BMP1: variants seen among roughly 807,000 people sequenced by gnomAD.
BMP1 encodes the protein mammalian tolloid protein.
BMP1 carries 63 observed loss-of-function variants against 116.8 expected under a neutral mutation model. The ratio of observed to expected loss-of-function variants is 0.54; its 90% CI spans 0.44 to 0.67. BMP1 has a LOEUF of 0.67. Among genes scored for constraint, BMP1 ranks in the 30% least tolerant of loss-of-function variants. The pLI, the probability that BMP1 is intolerant of heterozygous loss-of-function variation, is 0.00. For synonymous variants in BMP1, 536 were observed against 533.4 expected, an observed-to-expected ratio of 1.00 and a Z score of -0.07; for missense variants, 1,183 against 1,358.9, an observed-to-expected ratio of 0.87 and a Z score of 2.04.
At chr8:22,198,928 G>A (rs1463885761) in intron 15 of BMP1, 2 of 1,241,804 alleles carry the variant, frequency 1.6e-6, no homozygotes, top group Non-Finnish European at 2.1e-6. Context: ...TCACCAGAGG[G>A]TTGAGAGGAT....
chr8:22,201,263 A>T lies in BMP1; in HGVS notation c.2108-540A>T, dbSNP rs1170041505. 4 of 1,562,172 alleles carry T rather than the reference A, an allele frequency of 2.6e-6. No homozygotes were observed. The South Asian group carries it at 4.8e-5, about 19-fold the overall frequency. The stretch of plus-strand genomic sequence containing the variant: ...GGAACCTCACCTTGGACGGAATGGG[A>T]TGGGGGCTTCGGTGCCCACCAACCC... On this transcript the variant is annotated intron_variant, in intron 15 of 19. Transcript: ENST00000306385.
At chr8:22,167,430 G>C (rs927233961) in intron 1 of BMP1, among the ~76,000 whole-genome samples, 25 of 152,214 alleles carry the variant, frequency 1.6e-4, no homozygotes, top group African/African-American at 5.8e-4. Context: ...TGGTGGCAGA[G>C]AAAAGTGATC....
rs780328194 is a variant in BMP1, at chr8:22,180,378, G to A, written c.972G>A (p.Glu324=). The change falls in exon 8 of 20, where the codon GAG becomes GAA. Residue 324 remains glutamate, a synonymous_variant. Coordinates refer to ENST00000306385, the MANE Select transcript of BMP1 (RefSeq NM_006129.5). ...RKLYKCPACG[E]TLQDSTGNFS... ...TTCCTTTCCTCACAGCCTGTGGAGA[G>A]ACCCTGCAAGACAGCACAGGCAACT... is the stretch of plus-strand genomic sequence containing the variant. The A allele has an allele frequency of 6.2e-7, 1 of 1,613,450 alleles. No homozygotes were observed. The highest frequency in any genetic ancestry group is 1.1e-5 in the South Asian group (1 of 91,074).
rs1268322830 is a variant in BMP1, at chr8:22,195,694, G to A, written c.1765+107G>A. On this transcript the variant is annotated intron_variant, in intron 13 of 19. Transcript: ENST00000306385. ...AGGCTTTTGCTCTGTCACCCAGGCT[G>A]GAAGTACAGTGGCTCAATCTTAGCT... 2.7e-6 allele frequency: 4 copies of A among 1,475,804 alleles called. No individual in the cohort carries two copies. The Admixed American group carries it at 7.0e-5, about 26-fold the overall frequency. The allele number at this position is 1,475,804 out of a possible 1,614,324, so 91.4% of individuals were successfully genotyped here.
intron 16 of BMP1, among the ~76,000 whole-genome samples, chr8:22,205,294 G>C (rs1050498049): frequency 6.6e-6 from 1 of 152,170 alleles, no homozygotes; most frequent in African/African-American, 2.4e-5. Flanking sequence ...CAAGTGGTCT[G>C]GGGGCCCAGG....
At chr8:22,199,279 G>T (rs769758568) in intron 15 of BMP1, 2 of 1,367,098 alleles carry the variant, frequency 1.5e-6, no homozygotes, top group Non-Finnish European at 2.0e-6. Context: ...GAGCTATTTG[G>T]ACTTTTGGGA....
At chr8:22,190,561 G>A (rs1054271706) in intron 8 of BMP1, among the ~76,000 whole-genome samples, 1 of 152,226 alleles carries the variant, frequency 6.6e-6, no homozygotes. Flanking sequence ...TGACGTGTTG[G>A]TGTGTGGCCG....
intron 19 of BMP1, among the ~76,000 whole-genome samples, chr8:22,211,265 TAGGCATGG>T (rs770982426): frequency 1.3e-5 from 2 of 152,218 alleles, no homozygotes; most frequent in African/African-American, 2.4e-5. Context: ...GCACCCCTCC[TAGGCATGG>T]AGAGCAGAGA....
rs780119875 is a variant in BMP1, at chr8:22,197,330, G to A, written c.2017G>A (p.Val673Ile). 1 of 1,614,032 alleles carries A rather than the reference G, an allele frequency of 6.2e-7. No homozygotes were observed. Among genetic ancestry groups the A allele is most frequent in the Non-Finnish European group, 8.5e-7 (1 of 1,179,934 alleles). ...GTTCTGTGGTTCTGAGAAGCCCGAG[G>A]TCATCACCTCCCAGTACAACAACAT... ...GKFCGSEKPE[V>I]ITSQYNNMRV... is the part of the protein sequence containing the mutation. The change falls in exon 15 of 20, where the codon GTC (valine) becomes ATC (isoleucine). Residue 673 changes from valine to isoleucine, a missense_variant. Coordinates refer to ENST00000306385, the MANE Select transcript of BMP1 (RefSeq NM_006129.5).
intron 19 of BMP1, 142 bp downstream of exon 19, chr8:22,209,837 A>T (rs1829430284): frequency 1.1e-6 from 1 of 877,026 alleles, no homozygotes; most frequent in East Asian, 2.6e-5. Flanking sequence ...CCTGTGTGGG[A>T]GCCCAGAAGC....
rs1829017548 is a variant in BMP1, at chr8:22,194,400, A to C, written c.1298-45A>C. ...AAAGAGCTCCCTAGCAGGGCAAAGC[A>C]TGCTGACTCACCACCCCTTCCCACC... On this transcript the variant is annotated intron_variant, in intron 10 of 19. Coordinates refer to ENST00000306385, the MANE Select transcript of BMP1 (RefSeq NM_006129.5). This position sits in a 1 kb window ranked among gnomAD's most constrained non-coding sequence, Gnocchi z 4.5. 6.2e-6 allele frequency: 10 copies of C among 1,610,084 alleles called. No homozygotes were observed. Among genetic ancestry groups the C allele is most frequent in the Non-Finnish European group, 8.5e-6 (10 of 1,177,626 alleles).
At chr8:22,177,505 G>T (rs1453894038) in intron 5 of BMP1, 3 of 712,212 alleles carry the variant, frequency 4.2e-6, no homozygotes, top group African/African-American at 1.7e-5. Flanking sequence ...CCCTCCGAGG[G>T]CTTTTCTCTC....
At chr8:22,196,208 C>A (rs372689309) in intron 13 of BMP1, 5 of 523,930 alleles carry the variant, frequency 9.5e-6, no homozygotes, top group Non-Finnish European at 1.9e-5. Context: ...GTTGGGAAAC[C>A]CCTGTTGTGG....
At chr8:22,165,584 C>A (rs1394591651) in intron 1 of BMP1, 31 bp downstream of exon 1, 71 of 1,550,370 alleles carry the variant, frequency 4.6e-5, no homozygotes, top group Non-Finnish European at 6.2e-5. Context: ...CGGCGACGGG[C>A]CAGGCGGGGA....
At chr8:22,191,272 G>A (rs1245218970) in intron 8 of BMP1, among the ~76,000 whole-genome samples, 1 of 152,208 alleles carries the variant, frequency 6.6e-6, no homozygotes, top group East Asian at 1.9e-4. Flanking sequence ...ACTCACAGCA[G>A]GAAATGCAGA....
chr8:22,167,590 T>TC (rs895714063), intron 1 of BMP1, among the ~76,000 whole-genome samples: 2 of 151,976 alleles, frequency 1.3e-5, no homozygotes, highest in African/African-American at 4.8e-5. Flanking sequence ...CTGAGGGCTC[T>TC]CCCCCCAGTC....
intron 15 of BMP1, chr8:22,200,971 A>C (rs989784797): frequency 8.6e-6 from 6 of 699,928 alleles, no homozygotes; most frequent in African/African-American, 3.6e-5. Flanking sequence ...GCCACCCTGC[A>C]TGTGTGTCCG....
At chr8:22,168,853 G>A (rs181799228) in intron 1 of BMP1, among the ~76,000 whole-genome samples, 4 of 152,128 alleles carry the variant, frequency 2.6e-5, no homozygotes, top group Non-Finnish European at 5.9e-5. Context: ...CGGGGCAGTG[G>A]GGTTCCCCAG....
In BMP1 at chr8:22,211,607, T is replaced by G. The variant is rs528338281; in HGVS notation, c.2840T>G (p.Val947Gly). ...TTTCTCTGCCAGCCTCCTGAGGAGG[T>G]GTACTCGGCGGGAGATTCTGTCCTG... ...RYCGSGPPEE[V>G]YSAGDSVLVK... Residue 947 changes from valine to glycine, a missense_variant, in exon 20 of 20, where the codon GTG becomes GGG. Around this residue, in one of 4 missense-constraint regions of BMP1, gnomAD observed 956 missense variants for 1,135.2 expected, o/e 0.84. Coordinates refer to ENST00000306385, the MANE Select transcript of BMP1 (RefSeq NM_006129.5). The G allele has an allele frequency of 2.5e-6, 4 of 1,613,860 alleles. No homozygotes were observed. Among genetic ancestry groups the G allele is most frequent in the Non-Finnish European group, 3.4e-6 (4 of 1,179,998 alleles).
Sources: gnomAD v4.1 joint callset for allele counts (sites outside exome capture counted in the v4.1 genomes callset) on GRCh38, gnomAD v4.1.1 for gene constraint, gnomAD v4.1.1 regional missense constraint, Gnocchi (gnomAD v3.1) non-coding constraint, MANE v1.5 for transcripts, NCBI Gene and HGNC (gene_info 2026-07-23, HGNC 2026-07-21) for gene names.